CTDSPL: variants seen among roughly 807,000 people sequenced by gnomAD.
CTDSPL encodes CTD small phosphatase like.
A neutral mutation model predicts 30.5 loss-of-function variants in CTDSPL; 8 were observed. That is an observed-to-expected ratio of 0.26 (90% confidence interval 0.15 to 0.47). The LOEUF (loss-of-function observed/expected upper bound fraction) is 0.47. CTDSPL is among the 20% of genes least tolerant of loss of function. The probability of loss-of-function intolerance (pLI) is 0.99; values close to 1 mark genes in which losing one functional copy is unlikely to be tolerated. For missense variants in CTDSPL, 248 were observed against 366.1 expected (o/e 0.68, Z 2.63); for synonymous variants, 110 against 137.9 (o/e 0.80, Z 1.42).
intron 1 of CTDSPL, among the ~76,000 whole-genome samples, chr3:37,872,425 G>T (rs1402845047): frequency 6.6e-6 from 1 of 151,330 alleles, no homozygotes; most frequent in Non-Finnish European, 1.5e-5. Flanking sequence ...GAGACTCTGG[G>T]TCTTATTTAA....
rs939398034 is a variant in CTDSPL at position 37,905,597 on chromosome 3, T to C, written c.80-41460T>C. ...CCTGAGCTAGGCTTCCTTCCCCCCC[T>C]CCCTCCTTGTGCCACAGCTGGGCAC... On this transcript the variant is annotated intron_variant, in intron 1 of 7. Coordinates refer to ENST00000273179, the MANE Select transcript of CTDSPL (RefSeq NM_001008392.2). 2.4e-3 allele frequency among the ~76,000 whole-genome samples: 359 copies of C among 147,322 alleles called. 3 individuals carry two copies. Among genetic ancestry groups the C allele is most frequent in the African/African-American group, 8.5e-3 (342 of 40,206 alleles).
At chr3:37,881,383 G>T (rs973363762) in intron 1 of CTDSPL, among the ~76,000 whole-genome samples, 11 of 152,032 alleles carry the variant, frequency 7.2e-5, no homozygotes, top group African/African-American at 2.7e-4. Context: ...ACAAAAATTA[G>T]CTGGGCCTGG....
chr3:37,944,561 AG>A, intron 1 of CTDSPL, among the ~76,000 whole-genome samples: 1 of 150,204 alleles, frequency 6.7e-6, no homozygotes, highest in East Asian at 2.0e-4. Context: ...GTGAATGCTG[AG>A]GGTGGGTGAG....
chr3:37,876,674 A>C (rs1698138102), intron 1 of CTDSPL, among the ~76,000 whole-genome samples: 1 of 151,954 alleles, frequency 6.6e-6, no homozygotes, highest in Non-Finnish European at 1.5e-5. Flanking sequence ...AGTGCTTATT[A>C]TTGTGGGTTT....
rs150177407 is a variant in CTDSPL at position 37,889,944 on chromosome 3, G to T, written c.79+27666G>T. 9.5e-4 allele frequency among the ~76,000 whole-genome samples: 144 copies of T among 152,346 alleles called. 3 individuals are homozygous for T. The East Asian group carries it at 0.024, about 25-fold the overall frequency. On this transcript the variant is annotated intron_variant, in intron 1 of 7. Coordinates refer to ENST00000273179, the MANE Select transcript of CTDSPL (RefSeq NM_001008392.2). ...ACAGAACAAAGACATTTAAAAATCT[G>T]CAAGGACTGAAAATTTTGCTTCCTG...
At chr3:37,950,046 C>T (rs902674815) in intron 2 of CTDSPL, among the ~76,000 whole-genome samples, 3 of 152,240 alleles carry the variant, frequency 2.0e-5, no homozygotes, top group Admixed American at 6.5e-5. Flanking sequence ...GGAAAGAGCT[C>T]GCACTGCCCA....
chr3:37,899,973 C>A (rs1487284736), intron 1 of CTDSPL, among the ~76,000 whole-genome samples: 1 of 152,126 alleles, frequency 6.6e-6, no homozygotes, highest in Non-Finnish European at 1.5e-5. Flanking sequence ...AGTGGGGAGA[C>A]CATGAAGTAG....
chr3:37,967,978 C>G, intron 5 of CTDSPL, 96 bp downstream of exon 5: 1 of 836,010 alleles, frequency 1.2e-6, no homozygotes. Context: ...TCAGTAATAA[C>G]TTTATTACGG....
At chr3:37,896,146 T>A (rs1423205492) in intron 1 of CTDSPL, among the ~76,000 whole-genome samples, 1 of 152,196 alleles carries the variant, frequency 6.6e-6, no homozygotes, top group East Asian at 1.9e-4. Flanking sequence ...ATCAGATGTT[T>A]TCCCTGCCTT....
At position 37,976,647 on chromosome 3, in the gene CTDSPL, T is replaced by A. The variant is rs1319408352; in HGVS notation, c.705+753T>A. 7.7e-4 allele frequency among the ~76,000 whole-genome samples: 115 copies of A among 148,506 alleles called. 1 individual carries two copies. The South Asian group carries it at 9.6e-3, about 12-fold the overall frequency. On this transcript the variant is annotated intron_variant, in intron 7 of 7. Coordinates refer to ENST00000273179, the MANE Select transcript of CTDSPL (RefSeq NM_001008392.2). ...CTCCGTCTCAAAAAAAAAAAAAAAA[T>A]GAATAAAACACTTCAATAAGGTCTT...
chr3:37,895,016 C>A (rs956634108), intron 1 of CTDSPL, among the ~76,000 whole-genome samples: 1 of 152,064 alleles, frequency 6.6e-6, no homozygotes, highest in Non-Finnish European at 1.5e-5. Context: ...CTAATTGCAC[C>A]GTCTAGGTTA....
At chr3:37,956,043 GAAGCTT>G (rs1699169076) in intron 2 of CTDSPL, among the ~76,000 whole-genome samples, 2 of 152,304 alleles carry the variant, frequency 1.3e-5, no homozygotes, top group Middle Eastern at 6.8e-3. Flanking sequence ...ATGTCAGAAG[GAAGCTT>G]AAAATCCTTA....
intron 1 of CTDSPL, among the ~76,000 whole-genome samples, chr3:37,894,154 T>C (rs1698364258): frequency 1.3e-5 from 2 of 152,154 alleles, no homozygotes; most frequent in Non-Finnish European, 2.9e-5. Context: ...CAATCGTAGC[T>C]CACTGCAGCC....
chr3:37,927,312 A>G (rs1244636776), intron 1 of CTDSPL, among the ~76,000 whole-genome samples: 4 of 152,306 alleles, frequency 2.6e-5, no homozygotes, highest in African/African-American at 4.8e-5. Context: ...CATTAAACAT[A>G]TTGTGTAAAA....
intron 1 of CTDSPL, among the ~76,000 whole-genome samples, chr3:37,907,679 A>T (rs1698534024): frequency 6.6e-6 from 1 of 152,168 alleles, no homozygotes; most frequent in South Asian, 2.1e-4. Flanking sequence ...AATGTTAAGA[A>T]CGTAGAGCTT....
chr3:37,967,975 TA>T, intron 5 of CTDSPL, 93 bp downstream of exon 5: 2 of 868,576 alleles, frequency 2.3e-6, no homozygotes, highest in Non-Finnish European at 3.6e-6. Context: ...ATTTCAGTAA[TA>T]ACTTTATTAC....
chr3:37,886,469 T>C (rs1698264736), intron 1 of CTDSPL, among the ~76,000 whole-genome samples: 1 of 152,146 alleles, frequency 6.6e-6, no homozygotes, highest in East Asian at 1.9e-4. Context: ...ATTTTTGCCC[T>C]TCCAGTTACT....
chr3:37,971,972 T>C (rs1423226217), intron 6 of CTDSPL, among the ~76,000 whole-genome samples: 1 of 152,228 alleles, frequency 6.6e-6, no homozygotes, highest in Non-Finnish European at 1.5e-5. Flanking sequence ...AGCTGTATGA[T>C]CTGAGGCAAG....
chr3:37,977,949 TATC>T (rs1265461659), intron 7 of CTDSPL, among the ~76,000 whole-genome samples: 2 of 152,182 alleles, frequency 1.3e-5, no homozygotes, highest in African/African-American at 4.8e-5. Flanking sequence ...CTTATGAAGA[TATC>T]ATATCAAGGA....
Sources: gnomAD v4.1 joint callset for allele counts (sites outside exome capture counted in the v4.1 genomes callset) on GRCh38, gnomAD v4.1.1 for gene constraint, MANE v1.5 for transcripts, NCBI Gene and HGNC (gene_info 2026-07-23, HGNC 2026-07-21) for gene names.